The following PAN3 variants were observed in gnomAD, a reference collection of about 807,000 sequenced individuals.
PAN3 encodes poly(A) specific ribonuclease subunit PAN3.
In PAN3, 19 loss-of-function variants were observed where a neutral mutation model predicts 96.2. The ratio of observed to expected loss-of-function variants is 0.20; its 90% confidence interval spans 0.14 to 0.29. The LOEUF is 0.29. Among genes scored for constraint, PAN3 ranks in the 10% least tolerant of loss-of-function variants. The pLI, the probability that PAN3 is intolerant of heterozygous loss-of-function variation, is 1.00. For missense variants in PAN3, 882 were observed against 1,108.1 expected (o/e 0.80, Z 2.90); for synonymous variants, 433 against 406.6 (o/e 1.06, Z -0.78).
chr13:28,246,032 T>C (rs375949628), intron 6 of PAN3, among the ~76,000 whole-genome samples: 5 of 152,192 alleles, frequency 3.3e-5, no homozygotes, highest in African/African-American at 1.2e-4. Flanking sequence ...TTCGGTAATA[T>C]GCCTAGTAGT....
At chr13:28,151,155 A>C (rs1871313378) in intron 1 of PAN3, among the ~76,000 whole-genome samples, 1 of 152,144 alleles carries the variant, frequency 6.6e-6, no homozygotes, top group Admixed American at 6.6e-5. Flanking sequence ...GGAGTGAGGA[A>C]CAGGGAAGAA....
At chr13:28,139,110 G>C in intron 1 of PAN3, 23 bp downstream of exon 1, 1 of 1,268,220 alleles carries the variant, frequency 7.9e-7, no homozygotes, top group Non-Finnish European at 9.9e-7. Context: ...CGGGCGGGGC[G>C]GGCCGCGGCG....
intron 1 of PAN3, among the ~76,000 whole-genome samples, chr13:28,154,992 TTG>T (rs1178660651): frequency 1.3e-5 from 2 of 151,228 alleles, no homozygotes; most frequent in African/African-American, 4.9e-5. Context: ...GGCTAATTTT[TTG>T]TATTTTTTTT....
At chr13:28,141,265 A>G (rs1566128691) in intron 1 of PAN3, among the ~76,000 whole-genome samples, 2 of 151,890 alleles carry the variant, frequency 1.3e-5, no homozygotes, top group Non-Finnish European at 2.9e-5. Context: ...TCGGCCTCCC[A>G]AAGTGCTGGG....
At chr13:28,245,352 T>TA (rs1354854126) in intron 6 of PAN3, among the ~76,000 whole-genome samples, 1 of 152,084 alleles carries the variant, frequency 6.6e-6, no homozygotes, top group Non-Finnish European at 1.5e-5. Flanking sequence ...TCTACAGATT[T>TA]TATCTTTTTT....
In PAN3 at chr13:28,267,348, G is replaced by A; in HGVS notation, c.1739G>A (p.Ser580Asn). The A allele has an allele frequency of 6.2e-7, 1 of 1,613,836 alleles. No individual in the cohort carries two copies. The change falls in exon 12 of 19, where the codon AGC becomes AAC. Residue 580 changes from serine to asparagine, a missense_variant. Physicochemically the swap from Ser to Asn is conservative, Grantham distance 46. Around this residue, in one of 3 missense-constraint regions of PAN3, gnomAD observed 364 missense variants for 513.6 expected, o/e 0.71. Coordinates refer to ENST00000380958, the MANE Select transcript of PAN3 (RefSeq NM_175854.8). ...CATGCTGGAGGAGAAACTATGATGA[G>A]CAGACACTTTAATGACCCTAATGCT... ...DFHAGGETMM[S>N]RHFNDPNADA...
chr13:28,144,795 A>C (rs149466767), intron 1 of PAN3, among the ~76,000 whole-genome samples: 276 of 132,004 alleles, frequency 2.1e-3, no homozygotes, highest in Middle Eastern at 4.8e-3. Context: ...ATCTTGGCTC[A>C]CTGCAACCTC....
intron 6 of PAN3, among the ~76,000 whole-genome samples, chr13:28,253,635 A>C (rs1025029626): frequency 7.1e-6 from 1 of 140,166 alleles, no homozygotes; most frequent in African/African-American, 2.7e-5. Flanking sequence ...GGGTCTCGCT[A>C]TGTTACCCAG....
chr13:28,169,777 A>C (rs1250631721), intron 1 of PAN3, among the ~76,000 whole-genome samples: 1 of 151,950 alleles, frequency 6.6e-6, no homozygotes, highest in Admixed American at 6.6e-5. Context: ...GGCCGGGCAC[A>C]GTGGCTCACG....
chr13:28,161,305 A>AGCCCTGTTCTG, intron 1 of PAN3, among the ~76,000 whole-genome samples: 1 of 152,262 alleles, frequency 6.6e-6, no homozygotes, highest in East Asian at 1.9e-4. Context: ...TGTGGAGGAT[A>AGCCCTGTTCTG]ATCTGTTCCA....
intron 1 of PAN3, among the ~76,000 whole-genome samples, chr13:28,141,462 C>CTTTTTTT (rs759736683): frequency 1.6e-3 from 142 of 90,300 alleles, no homozygotes; most frequent in East Asian, 2.6e-3. Context: ...TTCTTTTTTT[C>CTTTTTTT]TTTTTTTTTT....
At chr13:28,286,678 C>G (rs865818261) in intron 17 of PAN3, among the ~76,000 whole-genome samples, 1 of 152,148 alleles carries the variant, frequency 6.6e-6, no homozygotes, top group Admixed American at 6.5e-5. Context: ...ACTATTGTTG[C>G]TTTTTCTGAT....
chr13:28,175,561 G>C (rs1029442704), intron 2 of PAN3, among the ~76,000 whole-genome samples: 5 of 152,132 alleles, frequency 3.3e-5, no homozygotes, highest in African/African-American at 1.2e-4. Flanking sequence ...CTGGCCTAGT[G>C]TTTATACTTC....
intron 5 of PAN3, among the ~76,000 whole-genome samples, chr13:28,199,117 G>A (rs1334298879): frequency 6.6e-6 from 1 of 152,054 alleles, no homozygotes; most frequent in Admixed American, 6.5e-5. Context: ...TAGTGGAGAG[G>A]TTTTTGATAC....
At chr13:28,218,566 T>C (rs1881053413) in intron 5 of PAN3, among the ~76,000 whole-genome samples, 1 of 152,192 alleles carries the variant, frequency 6.6e-6, no homozygotes, top group African/African-American at 2.4e-5. Context: ...GTTAGGTTAA[T>C]TTTAATAACT....
chr13:28,224,251 A>G (rs1472086192), intron 6 of PAN3, among the ~76,000 whole-genome samples: 2 of 152,228 alleles, frequency 1.3e-5, no homozygotes, highest in African/African-American at 2.4e-5. Flanking sequence ...AATAGTAGAC[A>G]TAGTTAACTA....
intron 4 of PAN3, among the ~76,000 whole-genome samples, chr13:28,179,526 A>G (rs543081753): frequency 6.6e-6 from 1 of 152,244 alleles, no homozygotes; most frequent in Non-Finnish European, 1.5e-5. Flanking sequence ...ACCAGTATGT[A>G]TAACATACCA....
chr13:28,217,803 A>G (rs1397767020), intron 5 of PAN3, among the ~76,000 whole-genome samples: 1 of 151,612 alleles, frequency 6.6e-6, no homozygotes, highest in Non-Finnish European at 1.5e-5. Flanking sequence ...TCTTTAGGAA[A>G]GGATTATTCA....
intron 1 of PAN3, among the ~76,000 whole-genome samples, chr13:28,141,231 C>T (rs1333091607): frequency 6.6e-6 from 1 of 151,822 alleles, no homozygotes; most frequent in Non-Finnish European, 1.5e-5. Flanking sequence ...TCTCGAACTC[C>T]TGACCTCAGG....
Sources: gnomAD v4.1 joint callset for allele counts (sites outside exome capture counted in the v4.1 genomes callset) on GRCh38, gnomAD v4.1.1 for gene constraint, gnomAD v4.1.1 regional missense constraint, MANE v1.5 for transcripts, NCBI Gene and HGNC (gene_info 2026-07-23, HGNC 2026-07-21) for gene names.